Variants in KIAA0825 observed in about 807,000 individuals in gnomAD.
KIAA0825 encodes KIAA0825.
A neutral mutation model predicts 147.6 loss-of-function variants in KIAA0825; 119 were observed. That is an observed-to-expected ratio of 0.81 (90% CI 0.69 to 0.94). KIAA0825 has a LOEUF of 0.94. Ranked by LOEUF, KIAA0825 falls within the 40% of genes least tolerant of loss-of-function variation. KIAA0825 has a pLI of 0.00. For missense variants in KIAA0825, 1,381 were observed against 1,472.7 expected, an observed-to-expected ratio of 0.94 and a Z score of 1.02; for synonymous variants, 470 against 518.1, an observed-to-expected ratio of 0.91 and a Z score of 1.26.
At chr5:94,195,176 T>G (rs568932742) in intron 20 of KIAA0825, among the ~76,000 whole-genome samples, 9 of 152,332 alleles carry the variant, frequency 5.9e-5, no homozygotes, top group African/African-American at 2.2e-4. Context: ...ATTTTTCAAA[T>G]TCTTGAATTT....
intron 1 of KIAA0825, among the ~76,000 whole-genome samples, chr5:94,596,909 T>A (rs557904883): frequency 6.6e-6 from 1 of 152,312 alleles, no homozygotes; most frequent in African/African-American, 2.4e-5. Flanking sequence ...ATGCTAGTAA[T>A]TTTTATATGT....
chr5:94,479,859 T>G (rs1049428409), intron 6 of KIAA0825, among the ~76,000 whole-genome samples: 1 of 152,170 alleles, frequency 6.6e-6, no homozygotes, highest in Non-Finnish European at 1.5e-5. Flanking sequence ...TCTTTTCATA[T>G]GCTTATTTGC....
intron 2 of KIAA0825, among the ~76,000 whole-genome samples, chr5:94,543,273 G>A (rs886611122): frequency 6.6e-6 from 1 of 152,022 alleles, no homozygotes; most frequent in African/African-American, 2.4e-5. Context: ...GCAAAACCTG[G>A]TATCTACTAA....
At chr5:94,280,065 G>A (rs1777391386) in intron 20 of KIAA0825, among the ~76,000 whole-genome samples, 1 of 152,052 alleles carries the variant, frequency 6.6e-6, no homozygotes. Context: ...GGGAGTGACA[G>A]GATTAGTTTT....
intron 5 of KIAA0825, among the ~76,000 whole-genome samples, chr5:94,508,470 G>A (rs1766039620): frequency 6.6e-6 from 1 of 151,846 alleles, no homozygotes; most frequent in Admixed American, 6.6e-5. Flanking sequence ...CCCTGTTAAT[G>A]TCTATTCCTT....
chr5:94,275,848 C>A (rs1027405194), intron 20 of KIAA0825, among the ~76,000 whole-genome samples: 1 of 152,064 alleles, frequency 6.6e-6, no homozygotes, highest in Admixed American at 6.6e-5. Context: ...AGTCTTTCAG[C>A]GTAAAACAAA....
intron 5 of KIAA0825, among the ~76,000 whole-genome samples, chr5:94,515,748 C>G (rs1300797022): frequency 6.7e-6 from 1 of 148,542 alleles, no homozygotes; most frequent in Non-Finnish European, 1.5e-5. Flanking sequence ...GCCGAGATTG[C>G]GCCATTGCAC....
intron 20 of KIAA0825, among the ~76,000 whole-genome samples, chr5:94,230,264 G>A (rs1025694835): frequency 6.6e-5 from 10 of 152,130 alleles, no homozygotes; most frequent in Admixed American, 5.9e-4. Flanking sequence ...ATTTCTTCTC[G>A]TGTTTTCAGT....
intron 1 of KIAA0825, chr5:94,594,838 C>T: frequency 5.6e-6 from 2 of 356,084 alleles, no homozygotes; most frequent in Non-Finnish European, 5.5e-6. Flanking sequence ...CACATTTGGA[C>T]TTATTTTAAT....
chr5:94,400,389 G>C (rs1388816752), intron 16 of KIAA0825, among the ~76,000 whole-genome samples: 1 of 151,986 alleles, frequency 6.6e-6, no homozygotes, highest in African/African-American at 2.4e-5. Context: ...AATAGGCCTG[G>C]TTTTTATACA....
chr5:94,275,883 C>A (rs1452870119), intron 20 of KIAA0825, among the ~76,000 whole-genome samples: 2 of 152,102 alleles, frequency 1.3e-5, no homozygotes, highest in Non-Finnish European at 1.5e-5. Flanking sequence ...ACAGAGCATC[C>A]TGATTAAACA....
intron 14 of KIAA0825, among the ~76,000 whole-genome samples, chr5:94,426,656 T>A (rs77499039): frequency 0.015 from 2,359 of 152,280 alleles, 31 homozygotes; most frequent in Non-Finnish European, 0.025. Flanking sequence ...AGGGTGATTA[T>A]AGTTAGCAAT....
intron 20 of KIAA0825, among the ~76,000 whole-genome samples, chr5:94,201,343 C>A (rs1039115081): frequency 6.6e-6 from 1 of 151,630 alleles, no homozygotes; most frequent in East Asian, 1.9e-4. Context: ...TGCAGTGGGG[C>A]CTCAGTATCC....
intron 20 of KIAA0825, among the ~76,000 whole-genome samples, chr5:94,285,415 T>C (rs1287794780): frequency 3.3e-5 from 5 of 152,168 alleles, no homozygotes; most frequent in African/African-American, 9.6e-5. Flanking sequence ...AGCATTTTCA[T>C]TGAAGAAATC....
At chr5:94,472,730 T>C (rs1299386943) in intron 8 of KIAA0825, among the ~76,000 whole-genome samples, 7 of 151,858 alleles carry the variant, frequency 4.6e-5, no homozygotes, top group Middle Eastern at 3.2e-3. Context: ...GGCGACAGAG[T>C]GAGGCCCCCG....
intron 5 of KIAA0825, among the ~76,000 whole-genome samples, chr5:94,496,539 A>C (rs1394096974): frequency 6.6e-6 from 1 of 152,200 alleles, no homozygotes; most frequent in East Asian, 1.9e-4. Flanking sequence ...CGGAGATAAG[A>C]GTAATGGTAG....
At chr5:94,272,149 C>A (rs1286550311) in intron 20 of KIAA0825, among the ~76,000 whole-genome samples, 1 of 140,616 alleles carries the variant, frequency 7.1e-6, no homozygotes. Context: ...CAATTGAACT[C>A]ATGGAGATAG....
intron 20 of KIAA0825, among the ~76,000 whole-genome samples, chr5:94,280,978 G>A (rs1249763890): frequency 6.6e-6 from 1 of 152,040 alleles, no homozygotes; most frequent in Non-Finnish European, 1.5e-5. Context: ...TGACAATTCA[G>A]TTTGTGCCCA....
intron 3 of KIAA0825, among the ~76,000 whole-genome samples, chr5:94,528,622 A>C (rs1338589203): frequency 6.6e-6 from 1 of 152,134 alleles, no homozygotes; most frequent in Non-Finnish European, 1.5e-5. Flanking sequence ...CTGCCTCCTA[A>C]ATCTACATCT....
Sources: gnomAD v4.1 joint callset for allele counts (sites outside exome capture counted in the v4.1 genomes callset) on GRCh38, gnomAD v4.1.1 for gene constraint, MANE v1.5 for transcripts, NCBI Gene and HGNC (gene_info 2026-07-23, HGNC 2026-07-21) for gene names.